PTPRD: variants seen among roughly 807,000 people sequenced by gnomAD.
The protein encoded by PTPRD is protein tyrosine phosphatase receptor type D.
A neutral mutation model predicts 214.5 loss-of-function variants in PTPRD; 34 were observed. That is an observed-to-expected ratio of 0.16 (90% CI 0.12 to 0.21). The LOEUF (loss-of-function observed/expected upper bound fraction) is 0.21, where lower values mean the gene tolerates loss of function less well. Ranked by LOEUF, PTPRD falls within the 10% of genes least tolerant of loss-of-function variation. The pLI is 1.00. For missense variants in PTPRD, 2,545 were observed against 2,398.7 expected, an observed-to-expected ratio of 1.06 and a Z score of -1.27; for synonymous variants, 1,128 against 845.7, an observed-to-expected ratio of 1.33 and a Z score of -5.79.
chr9:8,952,968 C>A (rs1210224744), intron 11 of PTPRD, among the ~76,000 whole-genome samples: 2 of 151,984 alleles, frequency 1.3e-5, no homozygotes, highest in Non-Finnish European at 2.9e-5. Flanking sequence ...GTTATACCTA[C>A]TGCAATAAAA....
intron 14 of PTPRD, among the ~76,000 whole-genome samples, chr9:8,562,335 T>C (rs2086722263): frequency 6.6e-6 from 1 of 152,166 alleles, no homozygotes; most frequent in Non-Finnish European, 1.5e-5. Context: ...ATTAATTATA[T>C]TGTCACCTTT....
chr9:10,174,555 A>G (rs189520657), intron 3 of PTPRD, among the ~76,000 whole-genome samples: 2 of 152,280 alleles, frequency 1.3e-5, no homozygotes, highest in East Asian at 3.9e-4. Flanking sequence ...CACCAAATGT[A>G]CTATGCCAAC....
rs1052080378 is a variant in PTPRD at position 9,142,928 on chromosome 9, C to T, written c.-143+40376G>A. Among the ~76,000 whole-genome samples, 50 of 152,066 alleles carry T rather than the reference C, an allele frequency of 3.3e-4. 1 individual carries two copies. Among genetic ancestry groups the T allele is most frequent in the South Asian group, 1.0e-3 (5 of 4,818 alleles). ...TGTTGAGTTCAACCCCTAGGGAACACAGTAGGAGCAGAGAGAGGGAGTGCT... is the reference window on the plus strand; with the variant it reads ...TGTTGAGTTCAACCCCTAGGGAACATAGTAGGAGCAGAGAGAGGGAGTGCT... On this transcript the variant is annotated intron_variant, in intron 10 of 45. Transcript: ENST00000381196.
intron 2 of PTPRD, among the ~76,000 whole-genome samples, chr9:10,520,400 A>C (rs116549235): frequency 4.5e-4 from 68 of 152,284 alleles, no homozygotes; most frequent in African/African-American, 1.6e-3. Context: ...GAAAATCTTG[A>C]AACTAGCAGA....
intron 3 of PTPRD, among the ~76,000 whole-genome samples, chr9:10,251,757 G>T (rs181009109): frequency 2.6e-5 from 4 of 152,166 alleles, no homozygotes; most frequent in Admixed American, 2.6e-4. Flanking sequence ...ATCGCAATGT[G>T]ACCTTGCAAC....
At chr9:8,535,794 A>G (rs768836737) in intron 14 of PTPRD, among the ~76,000 whole-genome samples, 7 of 151,972 alleles carry the variant, frequency 4.6e-5, no homozygotes, top group Non-Finnish European at 1.0e-4. Flanking sequence ...ATCAAGAAAC[A>G]CCTCTGTACA....
intron 3 of PTPRD, among the ~76,000 whole-genome samples, chr9:10,071,067 G>C (rs917684928): frequency 1.8e-4 from 28 of 152,010 alleles, no homozygotes; most frequent in Admixed American, 1.4e-3. Context: ...ATGATGTACA[G>C]AATCTGTATG....
intron 21 of PTPRD, among the ~76,000 whole-genome samples, chr9:8,509,653 TCTTA>T (rs567146530): frequency 2.1e-3 from 317 of 152,368 alleles, no homozygotes; most frequent in Middle Eastern, 0.014. Flanking sequence ...ATTAACTTTT[TCTTA>T]CTTAAACTGT....
chr9:8,594,187 A>C (rs1158150953), intron 14 of PTPRD, among the ~76,000 whole-genome samples: 2 of 152,136 alleles, frequency 1.3e-5, no homozygotes, highest in Non-Finnish European at 2.9e-5. Context: ...TCCACTTTAC[A>C]ATCCCCACTC....
intron 10 of PTPRD, among the ~76,000 whole-genome samples, chr9:9,039,287 A>T (rs2099631843): frequency 6.6e-6 from 1 of 152,212 alleles, no homozygotes; most frequent in African/African-American, 2.4e-5. Context: ...AGAAACAAAC[A>T]TTGGTAGCGG....
intron 3 of PTPRD, among the ~76,000 whole-genome samples, chr9:10,040,853 A>G (rs1273642158): frequency 6.6e-6 from 1 of 152,062 alleles, no homozygotes; most frequent in Admixed American, 6.6e-5. Context: ...CACAAAGTGC[A>G]ATATGTGCTA....
intron 2 of PTPRD, among the ~76,000 whole-genome samples, chr9:10,395,983 G>C (rs2098162516): frequency 6.6e-6 from 1 of 150,654 alleles, no homozygotes; most frequent in Non-Finnish European, 1.5e-5. Flanking sequence ...GAGAGAGACA[G>C]CGAGAGACAC....
At chr9:9,991,580 C>G (rs1203539031) in intron 4 of PTPRD, among the ~76,000 whole-genome samples, 1 of 151,724 alleles carries the variant, frequency 6.6e-6, no homozygotes, top group Non-Finnish European at 1.5e-5. Flanking sequence ...AGGCTGGTCT[C>G]GAACTCCTGA....
chr9:9,167,244 T>G (rs964129970), intron 10 of PTPRD, among the ~76,000 whole-genome samples: 1 of 152,042 alleles, frequency 6.6e-6, no homozygotes, highest in African/African-American at 2.4e-5. Flanking sequence ...ATAGTAATGC[T>G]CTTCCATTTC....
chr9:10,015,513 A>G (rs1016709187), intron 4 of PTPRD, among the ~76,000 whole-genome samples: 3 of 152,170 alleles, frequency 2.0e-5, no homozygotes, highest in African/African-American at 7.2e-5. Flanking sequence ...CTGAGGCTGT[A>G]TAGGACATAG....
intron 33 of PTPRD, among the ~76,000 whole-genome samples, chr9:8,451,412 A>G (rs1019106347): frequency 6.6e-6 from 1 of 152,120 alleles, no homozygotes; most frequent in Non-Finnish European, 1.5e-5. Flanking sequence ...CTCCAGTTCT[A>G]TGGAGTAGAA....
In PTPRD at chr9:9,547,157, C is replaced by A. The variant is rs968039985; in HGVS notation, c.-237+27575G>T. ...ACACAAAAATACTTCTACAAGGAAA[C>A]CCTGTCTAAATTGGACTGATGTCAC... On this transcript the variant is annotated intron_variant, in intron 8 of 45. Transcript: ENST00000381196. 3.9e-5 allele frequency among the ~76,000 whole-genome samples: 6 copies of A among 152,056 alleles called. No individual in the cohort carries two copies. The East Asian group carries it at 9.7e-4, about 25-fold the overall frequency.
chr9:8,819,569 G>A (rs1166940247), intron 11 of PTPRD, among the ~76,000 whole-genome samples: 1 of 152,096 alleles, frequency 6.6e-6, no homozygotes, highest in East Asian at 1.9e-4. Context: ...GCTGAGGCAA[G>A]AGAATCACTT....
chr9:8,561,474 A>G (rs1390928098), intron 14 of PTPRD, among the ~76,000 whole-genome samples: 2 of 152,110 alleles, frequency 1.3e-5, no homozygotes, highest in Admixed American at 1.3e-4. Flanking sequence ...GAACCCCCAA[A>G]TGTGAGTACA....
Sources: gnomAD v4.1 joint callset for allele counts (sites outside exome capture counted in the v4.1 genomes callset) on GRCh38, gnomAD v4.1.1 for gene constraint, MANE v1.5 for transcripts, NCBI Gene and HGNC (gene_info 2026-07-23, HGNC 2026-07-21) for gene names.